ZFHX3: variants seen among roughly 807,000 people sequenced by gnomAD.
The protein encoded by ZFHX3 is zinc finger homeobox protein 3.
Under a neutral mutation model 279.1 loss-of-function variants are expected in ZFHX3, and 42 were observed. The ratio of observed to expected loss-of-function variants is 0.15; its 90% confidence interval spans 0.12 to 0.19. ZFHX3 has a LOEUF of 0.19. Ranked by LOEUF, ZFHX3 falls within the 10% of genes least tolerant of loss-of-function variation. The pLI is 1.00. For missense variants in ZFHX3, 4,981 were observed against 4,754.0 expected (o/e 1.05, Z -1.40); for synonymous variants, 2,293 against 1,957.8 (o/e 1.17, Z -4.52).
rs561528189 is a variant in ZFHX3, at chr16:73,724,531, C to T, written c.-1607-44291G>A. On this transcript the variant is annotated intron_variant, in intron 1 of 17. Transcript: ENST00000641206. ...ACAGTGGGCTGTCTGGCCTAACTTGCTCACTTTTGTTATTTGCCCAGCCTT... is the reference window on the plus strand; with the variant it reads ...ACAGTGGGCTGTCTGGCCTAACTTGTTCACTTTTGTTATTTGCCCAGCCTT... 2.7e-3 allele frequency among the ~76,000 whole-genome samples: 410 copies of T among 152,288 alleles called. 2 individuals are homozygous for T. The highest frequency in any genetic ancestry group is 0.014 in the Middle Eastern group (4 of 294).
intron 4 of ZFHX3, among the ~76,000 whole-genome samples, chr16:73,317,972 A>G (rs573297945): frequency 2.0e-5 from 3 of 152,312 alleles, no homozygotes; most frequent in African/African-American, 7.2e-5. Context: ...AACCTTTACA[A>G]TGAAGCAAAA....
intron 1 of ZFHX3, among the ~76,000 whole-genome samples, chr16:72,996,667 T>C (rs1963306829): frequency 6.6e-6 from 1 of 152,244 alleles, no homozygotes; most frequent in Non-Finnish European, 1.5e-5. Context: ...ACTCCTTGCA[T>C]TACCAGGCCC....
chr16:72,894,829 A>T (rs2144099953), intron 3 of ZFHX3, among the ~76,000 whole-genome samples: 1 of 152,244 alleles, frequency 6.6e-6, no homozygotes, highest in South Asian at 2.1e-4. Context: ...CAAATCCTGA[A>T]TTCCCCAACC....
At chr16:73,657,809 C>T (rs898873084) in intron 2 of ZFHX3, among the ~76,000 whole-genome samples, 1 of 152,104 alleles carries the variant, frequency 6.6e-6, no homozygotes, top group South Asian at 2.1e-4. Context: ...AATAGTATTC[C>T]GTTGTATGGA....
intron 2 of ZFHX3, among the ~76,000 whole-genome samples, chr16:73,456,630 CTT>C (rs1370168369): frequency 1.3e-5 from 2 of 152,232 alleles, no homozygotes; most frequent in African/African-American, 4.8e-5. Context: ...TCACAAGCTT[CTT>C]TCTCTCTTCT....
chr16:73,502,972 A>T (rs2019265215), intron 2 of ZFHX3, among the ~76,000 whole-genome samples: 1 of 152,218 alleles, frequency 6.6e-6, no homozygotes, highest in Non-Finnish European at 1.5e-5. Context: ...ATCCCTGTTC[A>T]TGGTGCATCC....
intron 3 of ZFHX3, among the ~76,000 whole-genome samples, chr16:73,419,350 G>A (rs1597328233): frequency 6.6e-6 from 1 of 152,192 alleles, no homozygotes; most frequent in Non-Finnish European, 1.5e-5. Flanking sequence ...GACAACATCA[G>A]TATTTGACTC....
chr16:72,800,023 T>C lies in ZFHX3; in HGVS notation c.3967+4A>G, dbSNP rs746250508. ...TTCTTGGGGTCAAGAATAATGATAC[T>C]GACCAGGCTGCTTTCCTGCCTCTTC... On this transcript the variant is annotated splice_donor_region_variant and intron_variant, in intron 8 of 9. Transcript: ENST00000268489. 1 of 1,613,854 alleles carries C rather than the reference T, an allele frequency of 6.2e-7. No homozygotes were observed. Among genetic ancestry groups the C allele is most frequent in the Non-Finnish European group, 8.5e-7 (1 of 1,179,720 alleles).
At chr16:73,830,270 C>A (rs532168136) in intron 1 of ZFHX3, among the ~76,000 whole-genome samples, 3 of 143,690 alleles carry the variant, frequency 2.1e-5, no homozygotes, top group Non-Finnish European at 4.5e-5. Flanking sequence ...GGCTCGCGCA[C>A]GGTGCGCACA....
At chr16:73,308,119 T>G (rs565259313) in intron 4 of ZFHX3, among the ~76,000 whole-genome samples, 88 of 151,780 alleles carry the variant, frequency 5.8e-4, no homozygotes, top group African/African-American at 2.0e-3. Context: ...AGAAAATACT[T>G]GTCGGAGAGA....
At chr16:73,157,427 T>G (rs946504799) in intron 5 of ZFHX3, among the ~76,000 whole-genome samples, 1 of 137,112 alleles carries the variant, frequency 7.3e-6, no homozygotes, top group African/African-American at 2.8e-5. Context: ...CTATGATCAA[T>G]GTGGAGAAAT....
At chr16:73,043,081 C>T (rs1965173454) in intron 1 of ZFHX3, among the ~76,000 whole-genome samples, 1 of 152,036 alleles carries the variant, frequency 6.6e-6, no homozygotes, top group Admixed American at 6.6e-5. Flanking sequence ...GTTTTGCCCG[C>T]CTCACTGGAA....
intron 5 of ZFHX3, among the ~76,000 whole-genome samples, chr16:73,252,810 A>G (rs2013549931): frequency 6.6e-6 from 1 of 152,222 alleles, no homozygotes; most frequent in Non-Finnish European, 1.5e-5. Flanking sequence ...TCATAGACCA[A>G]CGGGCAGACT....
intron 3 of ZFHX3, among the ~76,000 whole-genome samples, chr16:73,376,103 A>G (rs1348963362): frequency 6.6e-6 from 1 of 152,158 alleles, no homozygotes; most frequent in Non-Finnish European, 1.5e-5. Context: ...CCTTTCCACT[A>G]CAGGTAACTT....
intron 4 of ZFHX3, among the ~76,000 whole-genome samples, chr16:73,297,839 T>C (rs1304687760): frequency 6.6e-6 from 1 of 151,926 alleles, no homozygotes; most frequent in Non-Finnish European, 1.5e-5. Context: ...TTCAGCTGAA[T>C]AAATGAGATA....
intron 8 of ZFHX3, among the ~76,000 whole-genome samples, chr16:73,080,750 A>G (rs1426286901): frequency 6.6e-6 from 1 of 151,916 alleles, no homozygotes; most frequent in Non-Finnish European, 1.5e-5. Flanking sequence ...ATTTTTAAAA[A>G]CATTATTTTG....
intron 1 of ZFHX3, among the ~76,000 whole-genome samples, chr16:73,823,357 C>G (rs554195391): frequency 6.6e-6 from 1 of 152,092 alleles, no homozygotes; most frequent in East Asian, 1.9e-4. Context: ...GATAGAGACA[C>G]AATGCAATCC....
intron 2 of ZFHX3, among the ~76,000 whole-genome samples, chr16:73,519,494 G>A (rs927239456): frequency 5.3e-5 from 8 of 151,824 alleles, no homozygotes; most frequent in African/African-American, 1.9e-4. Flanking sequence ...TCATCCATAA[G>A]TTGTCCTACT....
chr16:72,787,958 C>A lies in ZFHX3; in HGVS notation c.10318G>T (p.Glu3440Ter). 1 of 1,613,578 alleles carries A rather than the reference C, an allele frequency of 6.2e-7. No homozygotes were observed. The highest frequency in any genetic ancestry group is 8.5e-7 in the Non-Finnish European group (1 of 1,179,966). The part of the protein sequence containing the change: ...EVSPLLPKLP[E>*]EPEAESKSAD... ...CTTTTGCTTTCTGCTTCTGGCTCTT[C>A]AGGGAGTTTCGGCAGGAGGGGGGAC... The change falls in exon 10 of 10, where the codon GAA (glutamate) becomes TAA (stop). Residue 3440 changes from glutamate (E) to a stop codon, truncating the protein, a stop_gained. Coordinates refer to ENST00000268489, the MANE Select transcript of ZFHX3 (RefSeq NM_006885.4). LOFTEE classifies it high-confidence loss of function.
Sources: allele counts gnomAD v4.1 joint callset (sites outside exome capture counted in the v4.1 genomes callset), GRCh38; gene constraint gnomAD v4.1.1; transcripts MANE v1.5; gene names NCBI Gene and HGNC (gene_info 2026-07-23, HGNC 2026-07-21).